The following COL15A1 variants were observed in gnomAD, a reference collection of about 807,000 sequenced individuals.
The protein encoded by COL15A1 is collagen type XV alpha 1 chain.
A neutral mutation model predicts 165.9 loss-of-function variants in COL15A1; 111 were observed. The ratio of observed to expected loss-of-function variants is 0.67; its 90% confidence interval spans 0.57 to 0.78. The LOEUF (loss-of-function observed/expected upper bound fraction) is 0.78. COL15A1 is among the 30% of genes least tolerant of loss of function. The pLI, the probability that COL15A1 is intolerant of heterozygous loss-of-function variation, is 0.00. For missense variants in COL15A1, 1,745 were observed against 1,789.7 expected (o/e 0.98, Z 0.45); for synonymous variants, 659 against 674.8 (o/e 0.98, Z 0.36).
intron 40 of COL15A1, among the ~76,000 whole-genome samples, chr9:99,068,121 A>C (rs1825924708): frequency 6.6e-6 from 1 of 152,142 alleles, no homozygotes; most frequent in Non-Finnish European, 1.5e-5. Flanking sequence ...TCCAGGCTCT[A>C]GGATTGGGGC....
intron 36 of COL15A1, 22 bp from the exon 37 acceptor site, chr9:99,061,949 T>C: frequency 6.2e-7 from 1 of 1,604,854 alleles, no homozygotes; most frequent in Non-Finnish European, 8.5e-7. Context: ...TGGCAGTGTT[T>C]GGAATTTAAA....
At chr9:98,945,773 G>A (rs1178447844) in intron 2 of COL15A1, among the ~76,000 whole-genome samples, 1 of 152,264 alleles carries the variant, frequency 6.6e-6, no homozygotes, top group Non-Finnish European at 1.5e-5. Context: ...TGCCAACTCA[G>A]TGGCAGAGGC....
intron 5 of COL15A1, among the ~76,000 whole-genome samples, chr9:98,989,797 T>C (rs1017602746): frequency 6.6e-6 from 1 of 152,126 alleles, no homozygotes; most frequent in Admixed American, 6.5e-5. Context: ...TCCAGGGAGC[T>C]CACTTCTGAC....
In COL15A1 at chr9:98,987,313, C is replaced by A. The variant is rs763350690; in HGVS notation, c.668C>A (p.Thr223Asn). ...ERFTGSLQQL[T>N]VHPDPRTPEE... ...CCCCAGGGCTCCCTCCAGCAGCTCA[C>A]CGTGCACCCCGACCCCAGGACTCCC... Residue 223 changes from threonine (T) to asparagine (N), a missense_variant, in exon 4 of 42, where the codon ACC (threonine) becomes AAC (asparagine). Coordinates refer to ENST00000375001, the MANE Select transcript of COL15A1 (RefSeq NM_001855.5). The A allele has an allele frequency of 1.9e-6, 3 of 1,613,624 alleles. No homozygotes were observed. Among genetic ancestry groups the A allele is most frequent in the Non-Finnish European group, 2.5e-6 (3 of 1,179,808 alleles).
At chr9:98,944,735 C>A (rs1837549898) in intron 2 of COL15A1, among the ~76,000 whole-genome samples, 1 of 152,254 alleles carries the variant, frequency 6.6e-6, no homozygotes, top group Admixed American at 6.5e-5. Flanking sequence ...TTGCTTAACC[C>A]AGCTCTGAGT....
At chr9:99,021,845 A>G (rs1479382841) in intron 12 of COL15A1, among the ~76,000 whole-genome samples, 1 of 152,220 alleles carries the variant, frequency 6.6e-6, no homozygotes, top group African/African-American at 2.4e-5. Flanking sequence ...GGTGTGTGTG[A>G]TGCGTGCTCA....
chr9:99,006,035 C>A (rs12377855), intron 9 of COL15A1, among the ~76,000 whole-genome samples: 1 of 152,090 alleles, frequency 6.6e-6, no homozygotes, highest in Non-Finnish European at 1.5e-5. Flanking sequence ...CTCCATCATG[C>A]CTCTCTTCCT....
intron 2 of COL15A1, among the ~76,000 whole-genome samples, chr9:98,954,311 A>G (rs1372839558): frequency 6.6e-6 from 1 of 152,238 alleles, no homozygotes; most frequent in African/African-American, 2.4e-5. Context: ...ATCACATATT[A>G]TCTTGTGACT....
At chr9:99,060,256 A>ATTTTT (rs57568579) in intron 36 of COL15A1, among the ~76,000 whole-genome samples, 3 of 137,164 alleles carry the variant, frequency 2.2e-5, no homozygotes, top group South Asian at 4.5e-4. Context: ...ATATATATAT[A>ATTTTT]TTTTTTTTTT....
chr9:98,993,038 A>C (rs896326369), intron 5 of COL15A1, among the ~76,000 whole-genome samples: 1 of 152,140 alleles, frequency 6.6e-6, no homozygotes, highest in Non-Finnish European at 1.5e-5. Flanking sequence ...GTTTTATGGG[A>C]ACTGGTGCAT....
intron 40 of COL15A1, among the ~76,000 whole-genome samples, chr9:99,068,109 T>G (rs1382332201): frequency 6.6e-6 from 1 of 152,188 alleles, no homozygotes; most frequent in African/African-American, 2.4e-5. Context: ...GTTTTCACTC[T>G]GTCCAGGCTC....
chr9:98,985,184 C>T (rs531568977), intron 2 of COL15A1, among the ~76,000 whole-genome samples: 14 of 152,090 alleles, frequency 9.2e-5, no homozygotes, highest in South Asian at 2.1e-4. Context: ...GTTTTCCAAA[C>T]GCAGGTCATG....
chr9:98,971,347 T>A (rs778614634), intron 2 of COL15A1, among the ~76,000 whole-genome samples: 1 of 152,080 alleles, frequency 6.6e-6, no homozygotes, highest in Non-Finnish European at 1.5e-5. Context: ...AGCTGAGCCC[T>A]CCAGAGCTGC....
intron 34 of COL15A1, among the ~76,000 whole-genome samples, chr9:99,056,023 C>G (rs925242535): frequency 2.6e-5 from 4 of 152,188 alleles, no homozygotes; most frequent in Admixed American, 6.5e-5. Flanking sequence ...TAGATGATCT[C>G]CAAGGTCCCT....
At chr9:98,968,513 C>T (rs1159945445) in intron 2 of COL15A1, among the ~76,000 whole-genome samples, 2 of 152,070 alleles carry the variant, frequency 1.3e-5, no homozygotes, top group African/African-American at 2.4e-5. Context: ...GCCACATTGC[C>T]TCTTCCTCTT....
chr9:98,961,261 A>G (rs186242529), intron 2 of COL15A1, among the ~76,000 whole-genome samples: 19 of 152,348 alleles, frequency 1.2e-4, no homozygotes, highest in Non-Finnish European at 2.1e-4. Flanking sequence ...CTAGGATCCT[A>G]TAGTCTAATG....
At chr9:99,017,083 TC>T (rs1383821741) in intron 11 of COL15A1, among the ~76,000 whole-genome samples, 2 of 152,192 alleles carry the variant, frequency 1.3e-5, no homozygotes, top group Non-Finnish European at 2.9e-5. Flanking sequence ...GGGCCCTCAG[TC>T]AGGACACTTG....
At chr9:99,033,614 T>C (rs1839245524) in intron 16 of COL15A1, among the ~76,000 whole-genome samples, 1 of 152,236 alleles carries the variant, frequency 6.6e-6, no homozygotes, top group Admixed American at 6.5e-5. Flanking sequence ...CCACTCCCCA[T>C]CTTATTTTTG....
intron 2 of COL15A1, among the ~76,000 whole-genome samples, chr9:98,965,256 C>T (rs1390585305): frequency 6.6e-6 from 1 of 152,220 alleles, no homozygotes; most frequent in African/African-American, 2.4e-5. Flanking sequence ...TTGCCTGTTG[C>T]ATAAATTTTA....
Sources: gnomAD v4.1 joint callset for allele counts (sites outside exome capture counted in the v4.1 genomes callset) on GRCh38, gnomAD v4.1.1 for gene constraint, MANE v1.5 for transcripts, NCBI Gene and HGNC (gene_info 2026-07-23, HGNC 2026-07-21) for gene names.